The following MYO1D variants were observed in gnomAD, a reference collection of about 807,000 sequenced individuals.
MYO1D encodes the protein unconventional myosin-Id.
Under a neutral mutation model 122.0 loss-of-function variants are expected in MYO1D, and 83 were observed. The observed-to-expected ratio is 0.68, with a 90% confidence interval of 0.57 to 0.82. The LOEUF (loss-of-function observed/expected upper bound fraction) is 0.82, where lower values mean the gene tolerates loss of function less well. Among genes scored for constraint, MYO1D ranks in the 40% least tolerant of loss-of-function variants. The pLI is 0.00. For synonymous variants in MYO1D, 464 were observed against 446.9 expected, an observed-to-expected ratio of 1.04 and a Z score of -0.48; for missense variants, 1,157 against 1,269.5, an observed-to-expected ratio of 0.91 and a Z score of 1.35.
chr17:32,810,479 C>CTTT lies in MYO1D; in HGVS notation c.96-29698_96-29696dup, dbSNP rs112741399. Reference sequence around the variant, plus strand: ...GGGAACCATAAGGTTAAGTCCGTAACTTTTTTTTTTTTTTTTGAGACAGAG... The same window carrying CTTT: ...GGGAACCATAAGGTTAAGTCCGTAACTTTTTTTTTTTTTTTTTTTGAGACAGAG... On this transcript the variant is annotated intron_variant, in intron 1 of 21. Coordinates refer to ENST00000318217, the MANE Select transcript of MYO1D (RefSeq NM_015194.3). Among the ~76,000 whole-genome samples, 784 of 141,798 alleles carry CTTT rather than the reference C, an allele frequency of 5.5e-3. 11 individuals are homozygous for CTTT. Among genetic ancestry groups the CTTT allele is most frequent in the African/African-American group, 0.019 (723 of 38,678 alleles). The allele number at this position is 141,798 out of a possible 152,430, so 93.0% of individuals were successfully genotyped here.
chr17:32,805,414 A>G lies in MYO1D; in HGVS notation c.96-24630T>C, dbSNP rs1177161121. On this transcript the variant is annotated intron_variant, in intron 1 of 21. Transcript: ENST00000318217. ...ATGGACTCCTTTGTCTCCAAAATAC[A>G]TGTATTTTCTGAGTGTACAGTCATT... Among the ~76,000 whole-genome samples the G allele has an allele frequency of 3.9e-5, 6 of 152,196 alleles. No individual in the cohort carries two copies. The East Asian group carries it at 1.2e-3, about 29-fold the overall frequency.
intron 1 of MYO1D, among the ~76,000 whole-genome samples, chr17:32,791,358 C>T (rs551733518): frequency 4.6e-4 from 59 of 129,222 alleles, no homozygotes; most frequent in African/African-American, 1.7e-3. Context: ...AGCGAGACTC[C>T]GTCTCAAAAA....
chr17:32,750,439 C>T (rs2089887130), intron 11 of MYO1D, among the ~76,000 whole-genome samples: 2 of 151,634 alleles, frequency 1.3e-5, no homozygotes, highest in South Asian at 4.2e-4. Flanking sequence ...CAGTGAAACC[C>T]TGTCTCTATG....
At chr17:32,640,895 T>G (rs987369203) in intron 19 of MYO1D, among the ~76,000 whole-genome samples, 1 of 151,816 alleles carries the variant, frequency 6.6e-6, no homozygotes, top group Non-Finnish European at 1.5e-5. Flanking sequence ...CATGAATATA[T>G]ATTTTTTCCT....
At chr17:32,576,529 C>G (rs2087279886) in intron 21 of MYO1D, among the ~76,000 whole-genome samples, 1 of 152,188 alleles carries the variant, frequency 6.6e-6, no homozygotes. Context: ...CTTAATTGGA[C>G]TAAATCATAT....
intron 7 of MYO1D, among the ~76,000 whole-genome samples, chr17:32,765,991 T>C (rs1212804510): frequency 1.3e-5 from 2 of 152,038 alleles, no homozygotes; most frequent in Non-Finnish European, 2.9e-5. Flanking sequence ...TAAGCGATCC[T>C]TCCACCCCCA....
intron 21 of MYO1D, among the ~76,000 whole-genome samples, chr17:32,547,767 C>G (rs747162127): frequency 3.3e-5 from 5 of 151,986 alleles, no homozygotes; most frequent in Non-Finnish European, 7.4e-5. Flanking sequence ...GCCAACATGG[C>G]GAAACCCTGA....
At chr17:32,662,207 CA>C (rs1459593284) in intron 16 of MYO1D, among the ~76,000 whole-genome samples, 9 of 152,336 alleles carry the variant, frequency 5.9e-5, no homozygotes, top group Admixed American at 1.3e-4. Flanking sequence ...GCCCCACGCC[CA>C]GTAGCTTTCA....
At chr17:32,552,701 A>G (rs746128945) in intron 21 of MYO1D, among the ~76,000 whole-genome samples, 10 of 152,210 alleles carry the variant, frequency 6.6e-5, no homozygotes, top group African/African-American at 1.9e-4. Flanking sequence ...TCTTGCTCCA[A>G]TGGAAGATAC....
chr17:32,705,723 G>A (rs1969540172), intron 16 of MYO1D, among the ~76,000 whole-genome samples: 1 of 152,154 alleles, frequency 6.6e-6, no homozygotes, highest in African/African-American at 2.4e-5. Context: ...GTTTGGCTGT[G>A]TCCCCACCCA....
intron 16 of MYO1D, among the ~76,000 whole-genome samples, chr17:32,691,490 T>C (rs1199695117): frequency 7.0e-6 from 1 of 143,650 alleles, no homozygotes; most frequent in Non-Finnish European, 1.5e-5. Flanking sequence ...CACTGCAACC[T>C]CTGCCTCCTG....
intron 16 of MYO1D, among the ~76,000 whole-genome samples, chr17:32,689,672 CTCT>C (rs921498925): frequency 6.6e-6 from 1 of 151,974 alleles, no homozygotes; most frequent in African/African-American, 2.4e-5. Flanking sequence ...ATGAAGAACA[CTCT>C]TCATTTTGTT....
At chr17:32,777,949 G>A (rs1445525387) in intron 3 of MYO1D, among the ~76,000 whole-genome samples, 2 of 152,076 alleles carry the variant, frequency 1.3e-5, no homozygotes, top group African/African-American at 4.8e-5. Context: ...AAGAAAAAAA[G>A]AAAATGAATC....
At chr17:32,630,879 G>A (rs1597952167) in intron 20 of MYO1D, among the ~76,000 whole-genome samples, 1 of 152,126 alleles carries the variant, frequency 6.6e-6, no homozygotes, top group South Asian at 2.1e-4. Flanking sequence ...TGCCGGTAGA[G>A]TTGTTCTTCT....
At chr17:32,658,282 G>A (rs923661944) in intron 17 of MYO1D, among the ~76,000 whole-genome samples, 1 of 152,094 alleles carries the variant, frequency 6.6e-6, no homozygotes. Flanking sequence ...TTATACATTA[G>A]TTCTTGTACA....
rs752949387 is a variant in MYO1D, at chr17:32,654,623, T to A, written c.2346-2A>T. The A allele has an allele frequency of 5.0e-6, 8 of 1,599,268 alleles. No individual in the cohort carries two copies. The South Asian group carries it at 7.9e-5, about 16-fold the overall frequency. On this transcript the variant is annotated splice_acceptor_variant, in intron 17 of 21. Transcript: ENST00000318217. LOFTEE classifies it high-confidence loss of function. Reference sequence around the variant, plus strand: ...TTGATGAGCTGGGATGCTCTCCATCTACAAGTAAATAGACAACATGTATTA... The same window carrying A: ...TTGATGAGCTGGGATGCTCTCCATCAACAAGTAAATAGACAACATGTATTA...
chr17:32,653,882 G>A lies in MYO1D; in HGVS notation c.2556C>T (p.Asp852=), dbSNP rs371863840. The A allele has an allele frequency of 2.0e-4, 330 of 1,613,882 alleles. No homozygotes were observed. Among genetic ancestry groups the A allele is most frequent in the Middle Eastern group, 9.9e-4 (6 of 6,062 alleles). ...AGGAAAAGAGGACATTCATGTATTT[G>A]TCCTTCCGTTTCAATTCATTAGCAA... The part of the protein sequence containing the change: ...VPVANELKRK[D]KYMNVLFSCH... The change falls in exon 19 of 22, where the codon GAC becomes GAT. Residue 852 remains aspartate (D), a synonymous_variant. Coordinates refer to ENST00000318217, the MANE Select transcript of MYO1D (RefSeq NM_015194.3).
At chr17:32,659,996 T>C (rs987503483) in intron 16 of MYO1D, among the ~76,000 whole-genome samples, 1 of 152,218 alleles carries the variant, frequency 6.6e-6, no homozygotes, top group South Asian at 2.1e-4. Flanking sequence ...GATACTTATT[T>C]TTTTTCAGGA....
intron 21 of MYO1D, among the ~76,000 whole-genome samples, chr17:32,523,147 G>A (rs762722724): frequency 2.2e-4 from 33 of 152,170 alleles, no homozygotes; most frequent in South Asian, 4.1e-4. Flanking sequence ...TGCAACTAAC[G>A]CCACTGCCTT....
Sources: allele counts gnomAD v4.1 joint callset (sites outside exome capture counted in the v4.1 genomes callset), GRCh38; gene constraint gnomAD v4.1.1; transcripts MANE v1.5; gene names NCBI Gene and HGNC (gene_info 2026-07-23, HGNC 2026-07-21).